PSD4: variants seen among roughly 807,000 people sequenced by gnomAD.
The protein encoded by PSD4 is PH and SEC7 domain-containing protein 4.
In PSD4, 59 loss-of-function variants were observed where a neutral mutation model predicts 112.5. The ratio of observed to expected loss-of-function variants is 0.52; its 90% CI spans 0.43 to 0.65. PSD4 has a LOEUF of 0.65. Among genes scored for constraint, PSD4 ranks in the 30% least tolerant of loss-of-function variants. The probability of loss-of-function intolerance (pLI) is 0.00; values close to 1 mark genes in which losing one functional copy is unlikely to be tolerated. For missense variants in PSD4, 1,267 were observed against 1,352.6 expected (o/e 0.94, Z 0.99); for synonymous variants, 533 against 540.0 (o/e 0.99, Z 0.18).
chr2:113,196,192 G>A lies in PSD4; in HGVS notation c.2271G>A (p.Leu757=). The A allele has an allele frequency of 6.2e-7, 1 of 1,613,898 alleles. No individual in the cohort carries two copies. Among genetic ancestry groups the A allele is most frequent in the Non-Finnish European group, 8.5e-7 (1 of 1,179,768 alleles). Residue 757 remains leucine (L), a synonymous_variant, in exon 12 of 17, where the codon CTG becomes CTA. Transcript: ENST00000245796. ...GACCTGAGAAGGCCCAGCCGTCCCT[G>A]CCAGCTGGCAAGATGAGCAAGCCCT... is the stretch of plus-strand genomic sequence containing the variant. The part of the protein sequence containing the change: ...TARPEKAQPS[L]PAGKMSKPFL...
chr2:113,204,685 A>G lies in PSD4; in HGVS notation c.*3270A>G, dbSNP rs1477088574. The stretch of plus-strand genomic sequence containing the variant: ...TGATATAACTGCTTCCTGGGCTCTC[A>G]TGATCTCAGCTGAGCCTGGCTTTCT... On this transcript the variant is annotated 3_prime_UTR_variant, in exon 17 of 17. Coordinates refer to ENST00000245796, the MANE Select transcript of PSD4 (RefSeq NM_012455.3). 6.6e-6 allele frequency: 1 copy of G among 152,222 alleles called. No individual in the cohort carries two copies. Among genetic ancestry groups the G allele is most frequent in the Non-Finnish European group, 1.5e-5 (1 of 68,066 alleles). The allele number at this position is 152,222 out of a possible 1,614,324, so 9.4% of individuals were successfully genotyped here. A position where few individuals can be genotyped will look rare whatever the true frequency, so the allele number is the denominator to read the frequency against.
intron 10 of PSD4, among the ~76,000 whole-genome samples, 177 bp from the exon 11 acceptor site, chr2:113,195,548 GAT>G (rs1491130051): frequency 9.2e-5 from 5 of 54,294 alleles, no homozygotes; most frequent in Non-Finnish European, 2.2e-4. Flanking sequence ...TGGATGGATG[GAT>G]GGATGGATGG....
chr2:113,181,710 G>C (rs1251366095), intron 1 of PSD4, among the ~76,000 whole-genome samples: 1 of 152,206 alleles, frequency 6.6e-6, no homozygotes, highest in African/African-American at 2.4e-5. Flanking sequence ...TAAGCAGAGA[G>C]CCCCTTGCTG....
chr2:113,175,931 T>C (rs1223274513), intron 1 of PSD4, among the ~76,000 whole-genome samples: 3 of 152,230 alleles, frequency 2.0e-5, no homozygotes, highest in Admixed American at 6.5e-5. Context: ...CTGTGAAGTA[T>C]AGCTTTATTG....
At position 113,183,399 on chromosome 2, in the gene PSD4, C is replaced by T. The variant is rs1688206779; in HGVS notation, c.943C>T (p.His315Tyr). Residue 315 changes from histidine to tyrosine, a missense_variant, in exon 2 of 17, where the codon CAT (histidine) becomes TAT (tyrosine). By Grantham distance (83) the His-to-Tyr change is moderately conservative. This residue lies in a region of PSD4 where 723 missense variants were observed against 704.0 expected (regional missense o/e 1.03). Transcript: ENST00000245796. ...GGGGGACGGCGCTGCTATCAGTGGG[C>T]ATTGTACCCCTCCATTCCCTGTGCC... ...DLGDGAAISG[H>Y]CTPPFPVPIY... The T allele has an allele frequency of 2.7e-5, 42 of 1,575,632 alleles. No homozygotes were observed. The highest frequency in any genetic ancestry group is 3.6e-5 in the Non-Finnish European group (42 of 1,160,546).
At chr2:113,176,413 G>A (rs1364774868) in intron 1 of PSD4, among the ~76,000 whole-genome samples, 1 of 152,156 alleles carries the variant, frequency 6.6e-6, no homozygotes, top group Admixed American at 6.5e-5. Flanking sequence ...TATTCTCCAT[G>A]AGAAACATAC....
In PSD4 at chr2:113,192,577, A is replaced by G; in HGVS notation, c.1826A>G (p.Tyr609Cys). Reference sequence around the variant, plus strand: ...TTCCGGAAGTCTGAAGTGGCTGCCTACCTGCAGAAGAAGTAAGGGGCTTTG... The same window carrying G: ...TTCCGGAAGTCTGAAGTGGCTGCCTGCCTGCAGAAGAAGTAAGGGGCTTTG... The part of the protein sequence containing the change: ...EGFRKSEVAA[Y>C]LQKNNDFSRA... The change falls in exon 6 of 17, where the codon TAC (tyrosine) becomes TGC (cysteine). Residue 609 changes from tyrosine (Y) to cysteine (C), a missense_variant. Tyr to Cys is a radical substitution (Grantham distance 194). Transcript: ENST00000245796. The G allele has an allele frequency of 1.2e-6, 2 of 1,614,106 alleles. No individual in the cohort carries two copies. The highest frequency in any genetic ancestry group is 1.7e-6 in the Non-Finnish European group (2 of 1,179,970).
Position 113,188,494 on chromosome 2 carries a change from C to T in PSD4, c.1628+2239C>T, listed in dbSNP as rs946481948. Among the ~76,000 whole-genome samples, 13 of 152,252 alleles carry T rather than the reference C, an allele frequency of 8.5e-5. No homozygotes were observed. The East Asian group carries it at 1.2e-3, about 14-fold the overall frequency. ...CTTGATCAGACTTGTCTTGAACTCT[C>T]GAATCCACTCGCCTCAGTCTGTCAA... is the stretch of plus-strand genomic sequence containing the variant. On this transcript the variant is annotated intron_variant, in intron 5 of 16. Transcript: ENST00000245796.
At position 113,193,279 on chromosome 2, in the gene PSD4, G is replaced by C. The variant is rs763766182; in HGVS notation, c.1941G>C (p.Val647=). The C allele has an allele frequency of 6.3e-7, 1 of 1,589,598 alleles. No homozygotes were observed. Among genetic ancestry groups the C allele is most frequent in the Non-Finnish European group, 8.5e-7 (1 of 1,170,312 alleles). ...RALRSFLQAL[V]LSGETQERER... The stretch of plus-strand genomic sequence containing the variant: ...GCAGGAGCTTCCTCCAGGCCTTGGT[G>C]CTCAGTGGGGAGACTCAGGAACGGG... Residue 647 remains valine, a synonymous_variant, in exon 8 of 17, where the codon GTG becomes GTC. Coordinates refer to ENST00000245796, the MANE Select transcript of PSD4 (RefSeq NM_012455.3).
intron 1 of PSD4, among the ~76,000 whole-genome samples, chr2:113,179,704 A>G (rs1688077042): frequency 6.6e-6 from 1 of 152,186 alleles, no homozygotes; most frequent in Non-Finnish European, 1.5e-5. Flanking sequence ...TTCAAGATGG[A>G]GCCACTCTGG....
intron 16 of PSD4, 46 bp downstream of exon 16, chr2:113,199,272 C>G (rs1386453648): frequency 1.4e-6 from 2 of 1,400,166 alleles, no homozygotes; most frequent in African/African-American, 1.5e-5. Flanking sequence ...GCGCCCTCTC[C>G]GCCCTCTCGT....
rs1688613190 is a variant in PSD4 at position 113,196,390 on chromosome 2, G to A, written c.2386+83G>A. The A allele has an allele frequency of 2.7e-6, 4 of 1,471,144 alleles. No individual in the cohort carries two copies. The East Asian group carries it at 7.8e-5, about 29-fold the overall frequency. 91.1% of individuals were successfully genotyped at this position (1,471,144 alleles called of 1,614,324 possible). A position where few individuals can be genotyped will look rare whatever the true frequency, so the allele number is the denominator to read the frequency against. ...CCTGTGCCGATGCATGCACAGGTGT[G>A]CAGAGAGACAGCCCGCGTTGAGGAC... On this transcript the variant is annotated intron_variant, in intron 12 of 16. Transcript: ENST00000245796.
rs1435396543 is a variant in PSD4 at position 113,183,144 on chromosome 2, A to G, written c.688A>G (p.Thr230Ala). ...GEGQAWLREG[T>A]PDSSPQWGAE... Reference sequence around the variant, plus strand: ...GGGCCAGGCATGGCTGAGAGAGGGAACCCCAGACTCTTCCCCACAGTGGGG... The same window carrying G: ...GGGCCAGGCATGGCTGAGAGAGGGAGCCCCAGACTCTTCCCCACAGTGGGG... Residue 230 changes from threonine to alanine, a missense_variant, in exon 2 of 17, where the codon ACC becomes GCC. Thr to Ala is a moderately conservative substitution (Grantham distance 58). Coordinates refer to ENST00000245796, the MANE Select transcript of PSD4 (RefSeq NM_012455.3). 23 of 1,613,942 alleles carry G rather than the reference A, an allele frequency of 1.4e-5. No homozygotes were observed. Among genetic ancestry groups the G allele is most frequent in the Non-Finnish European group, 1.9e-5 (22 of 1,179,998 alleles).
In PSD4 at chr2:113,201,335, A is replaced by G. The variant is rs1688773643; in HGVS notation, c.3091A>G (p.Thr1031Ala). Residue 1031 changes from threonine to alanine, a missense_variant, in exon 17 of 17, where the codon ACG becomes GCG. By Grantham distance (58) the Thr-to-Ala change is moderately conservative. Transcript: ENST00000245796. The stretch of plus-strand genomic sequence containing the variant: ...CCTGCACCAGGATGAGGCTCCCACC[A>G]CGGCCAAGGTGAAGCGCAACATCTC... ...PSLHQDEAPT[T>A]AKVKRNISER... 6.2e-7 allele frequency: 1 copy of G among 1,614,108 alleles called. No individual in the cohort carries two copies. Among genetic ancestry groups the G allele is most frequent in the African/African-American group, 1.3e-5 (1 of 75,016 alleles).
In PSD4 at chr2:113,193,669, TCCC is replaced by T; in HGVS notation, c.2091+20_2091+22del. The T allele has an allele frequency of 6.2e-7, 1 of 1,608,490 alleles. No homozygotes were observed. The highest frequency in any genetic ancestry group is 1.1e-5 in the South Asian group (1 of 90,928). ...TGGACAGGTAAGACGGTGGAGAGAGTCCCTGTGGGAACTGAGGCTGTAACAAGG... is the reference window on the plus strand; with the variant it reads ...TGGACAGGTAAGACGGTGGAGAGAGTTGTGGGAACTGAGGCTGTAACAAGG... On this transcript the variant is annotated intron_variant, in intron 9 of 16. Coordinates refer to ENST00000245796, the MANE Select transcript of PSD4 (RefSeq NM_012455.3).
At chr2:113,189,205 C>T (rs1345905905) in intron 5 of PSD4, among the ~76,000 whole-genome samples, 6 of 151,948 alleles carry the variant, frequency 3.9e-5, no homozygotes, top group African/African-American at 1.5e-4. Flanking sequence ...TAATAGTTTC[C>T]AATCTCATCC....
At chr2:113,197,207 A>G (rs1688637016) in intron 12 of PSD4, 3 of 366,638 alleles carry the variant, frequency 8.2e-6, no homozygotes. Context: ...TCCTGCAGGG[A>G]CTAGAAAGCT....
At chr2:113,190,929 C>A (rs1688426461) in intron 5 of PSD4, among the ~76,000 whole-genome samples, 1 of 152,168 alleles carries the variant, frequency 6.6e-6, no homozygotes, top group South Asian at 2.1e-4. Flanking sequence ...CCAAGTAAAC[C>A]TTTTCATTAT....
In PSD4 at chr2:113,186,064, T is replaced by A; in HGVS notation, c.1437T>A (p.Ile479=). The A allele has an allele frequency of 1.9e-6, 3 of 1,614,176 alleles. No individual in the cohort carries two copies. The highest frequency in any genetic ancestry group is 2.5e-6 in the Non-Finnish European group (3 of 1,180,038). The change falls in exon 5 of 17, where the codon ATT becomes ATA. Residue 479 remains isoleucine, a synonymous_variant. Transcript: ENST00000245796. ...AGCTTCAACACCACAGCTCAGGCAT[T>A]TTGCCCAAGTGGACACTAGATGCTT... is the stretch of plus-strand genomic sequence containing the variant. ...SPQLQHHSSG[I]LPKWTLDASQ...
Sources: gnomAD v4.1 joint callset for allele counts (sites outside exome capture counted in the v4.1 genomes callset) on GRCh38, gnomAD v4.1.1 for gene constraint, gnomAD v4.1.1 regional missense constraint, MANE v1.5 for transcripts, NCBI Gene and HGNC (gene_info 2026-07-23, HGNC 2026-07-21) for gene names.